CPNE4: variants seen among roughly 807,000 people sequenced by gnomAD.
The protein encoded by CPNE4 is copine 4.
CPNE4 carries 25 observed loss-of-function variants against 67.9 expected under a neutral mutation model. The observed-to-expected ratio is 0.37, with a 90% confidence interval of 0.27 to 0.51. The LOEUF (loss-of-function observed/expected upper bound fraction) is 0.51, where lower values mean the gene tolerates loss of function less well. Ranked by LOEUF, CPNE4 falls within the 20% of genes least tolerant of loss-of-function variation. The probability of loss-of-function intolerance (pLI) is 0.93; values close to 1 mark genes in which losing one functional copy is unlikely to be tolerated. For missense variants in CPNE4, 464 were observed against 690.8 expected (o/e 0.67, Z 3.68); for synonymous variants, 242 against 244.9 (o/e 0.99, Z 0.11).
chr3:131,569,306 G>A (rs2107673019), intron 10 of CPNE4, among the ~76,000 whole-genome samples: 1 of 152,036 alleles, frequency 6.6e-6, no homozygotes, highest in South Asian at 2.1e-4. Flanking sequence ...GCCACAGTGT[G>A]GACATAGGAT....
At chr3:131,730,910 T>C (rs1478495213) in intron 2 of CPNE4, among the ~76,000 whole-genome samples, 2 of 152,206 alleles carry the variant, frequency 1.3e-5, no homozygotes, top group African/African-American at 2.4e-5. Context: ...ACCCAGTTTA[T>C]GGTACTTTGC....
chr3:131,763,606 A>G (rs2082943142), intron 2 of CPNE4, among the ~76,000 whole-genome samples: 1 of 152,110 alleles, frequency 6.6e-6, no homozygotes, highest in Non-Finnish European at 1.5e-5. Flanking sequence ...CTGGCTCTCT[A>G]ATCAGATCAG....
chr3:132,003,228 A>G (rs2073501414), intron 1 of CPNE4, among the ~76,000 whole-genome samples: 1 of 152,112 alleles, frequency 6.6e-6, no homozygotes, highest in Non-Finnish European at 1.5e-5. Context: ...GATCACATAG[A>G]TGACATCATG....
At chr3:131,878,448 T>C (rs965274361) in intron 2 of CPNE4, among the ~76,000 whole-genome samples, 2 of 151,788 alleles carry the variant, frequency 1.3e-5, no homozygotes, top group African/African-American at 4.8e-5. Context: ...GTCAGAAGAG[T>C]GGTTACTCCT....
At chr3:131,878,841 A>C (rs2087556642) in intron 2 of CPNE4, among the ~76,000 whole-genome samples, 1 of 152,232 alleles carries the variant, frequency 6.6e-6, no homozygotes, top group Non-Finnish European at 1.5e-5. Flanking sequence ...AACCTCATTC[A>C]CTCATGCAAT....
At chr3:131,787,461 T>A (rs543214197) in intron 2 of CPNE4, among the ~76,000 whole-genome samples, 1 of 152,288 alleles carries the variant, frequency 6.6e-6, no homozygotes, top group South Asian at 2.1e-4. Context: ...AGGCTTTTTA[T>A]ATCCCAGCCC....
At chr3:131,683,481 C>A (rs113814229) in intron 6 of CPNE4, among the ~76,000 whole-genome samples, 9 of 152,274 alleles carry the variant, frequency 5.9e-5, no homozygotes, top group African/African-American at 2.2e-4. Context: ...TCTATTGTGG[C>A]TGAGATGGTA....
intron 7 of CPNE4, among the ~76,000 whole-genome samples, chr3:131,661,134 G>T (rs1036983585): frequency 4.6e-5 from 7 of 152,144 alleles, no homozygotes; most frequent in African/African-American, 1.7e-4. Context: ...CTGCAGCATT[G>T]CTTAACCTAG....
chr3:131,905,366 A>G lies in CPNE4; in HGVS notation c.78T>C (p.Val26=). The G allele has an allele frequency of 1.2e-6, 2 of 1,611,580 alleles. No individual in the cohort carries two copies. Among genetic ancestry groups the G allele is most frequent in the Non-Finnish European group, 8.5e-7 (1 of 1,177,908 alleles). ...GIFNSPCLTK[V]ELRVACKGIS... ...TGCCTTTGCACGCCACACGCAGCTC[A>G]ACTTTGGTCAGGCAGGGGCTGTTAA... The change falls in exon 2 of 16, where the codon GTT becomes GTC. Residue 26 remains valine, a synonymous_variant. Transcript: ENST00000429747.
intron 6 of CPNE4, among the ~76,000 whole-genome samples, chr3:131,681,825 T>C (rs898280965): frequency 2.0e-5 from 3 of 152,104 alleles, no homozygotes. Flanking sequence ...AACATTCTTT[T>C]TTCTCTTATC....
chr3:131,768,002 T>C (rs937506763), intron 2 of CPNE4, among the ~76,000 whole-genome samples: 3 of 152,056 alleles, frequency 2.0e-5, no homozygotes, highest in Non-Finnish European at 2.9e-5. Context: ...TTATAAAAAG[T>C]AGCTCAATGC....
At chr3:131,937,312 A>C (rs1225033) in intron 1 of CPNE4, among the ~76,000 whole-genome samples, 34,160 of 152,154 alleles carry the variant, frequency 0.22, 4,762 homozygotes, top group Middle Eastern at 0.3. Flanking sequence ...TATAAATCAG[A>C]CTTGCATCCG....
intron 7 of CPNE4, among the ~76,000 whole-genome samples, chr3:131,616,309 C>T (rs1940157427): frequency 1.3e-5 from 2 of 152,138 alleles, no homozygotes; most frequent in African/African-American, 4.8e-5. Context: ...CCTCTGCTGC[C>T]TAGGAGGTTA....
intron 13 of CPNE4, 79 bp from the exon 14 acceptor site, chr3:131,550,159 G>A: frequency 6.8e-7 from 1 of 1,473,326 alleles, no homozygotes; most frequent in Non-Finnish European, 9.4e-7. Flanking sequence ...CAAAAGTAAA[G>A]CATTAAATAT....
chr3:132,009,959 T>G (rs140662726), intron 1 of CPNE4, among the ~76,000 whole-genome samples: 1 of 152,286 alleles, frequency 6.6e-6, no homozygotes, highest in East Asian at 1.9e-4. Flanking sequence ...CATGCTGAAG[T>G]TGAGAACCCT....
chr3:131,535,675 T>C (rs1348956861), intron 15 of CPNE4, among the ~76,000 whole-genome samples: 9 of 152,192 alleles, frequency 5.9e-5, no homozygotes, highest in Admixed American at 5.9e-4. Context: ...TTTGAGGGTC[T>C]ATGGTTCTTG....
intron 7 of CPNE4, among the ~76,000 whole-genome samples, chr3:131,644,663 G>T (rs2079620027): frequency 6.6e-6 from 1 of 152,170 alleles, no homozygotes. Context: ...GGAATGAGAA[G>T]ATCTTGCCTC....
intron 5 of CPNE4, among the ~76,000 whole-genome samples, chr3:131,687,056 C>T (rs2080909332): frequency 6.6e-6 from 1 of 152,200 alleles, no homozygotes; most frequent in Non-Finnish European, 1.5e-5. Context: ...GGAAAATCTG[C>T]ACAGAATGTC....
At chr3:131,764,351 G>C (rs767322510) in intron 2 of CPNE4, among the ~76,000 whole-genome samples, 2 of 151,664 alleles carry the variant, frequency 1.3e-5, no homozygotes, top group Non-Finnish European at 2.9e-5. Flanking sequence ...AATAACAGTA[G>C]TTATTTTGGG....
Sources: gnomAD v4.1 joint callset for allele counts (sites outside exome capture counted in the v4.1 genomes callset) on GRCh38, gnomAD v4.1.1 for gene constraint, MANE v1.5 for transcripts, NCBI Gene and HGNC (gene_info 2026-07-23, HGNC 2026-07-21) for gene names.